CPSF2: variants seen among roughly 807,000 people sequenced by gnomAD.
The protein encoded by CPSF2 is cleavage and polyadenylation specific factor 2.
A neutral mutation model predicts 84.2 loss-of-function variants in CPSF2; 51 were observed. That is an observed-to-expected ratio of 0.61 (90% CI 0.48 to 0.77). The LOEUF (loss-of-function observed/expected upper bound fraction) is 0.77, where lower values mean the gene tolerates loss of function less well. Among genes scored for constraint, CPSF2 ranks in the 30% least tolerant of loss-of-function variants. The pLI, the probability that CPSF2 is intolerant of heterozygous loss-of-function variation, is 0.00. For missense variants in CPSF2, 641 were observed against 929.4 expected (o/e 0.69, Z 4.03); for synonymous variants, 286 against 311.9 (o/e 0.92, Z 0.87).
chr14:92,141,414 C>A (rs2069076871), intron 7 of CPSF2, among the ~76,000 whole-genome samples: 1 of 152,074 alleles, frequency 6.6e-6, no homozygotes, highest in Non-Finnish European at 1.5e-5. Context: ...TCTCTGCAGC[C>A]TCAAACTCCT....
intron 14 of CPSF2, among the ~76,000 whole-genome samples, chr14:92,160,666 G>T (rs999478694): frequency 6.6e-6 from 1 of 152,204 alleles, no homozygotes; most frequent in Non-Finnish European, 1.5e-5. Context: ...AGAACCTATG[G>T]CATCCATTAC....
At chr14:92,133,357 T>G (rs1010236109) in intron 3 of CPSF2, among the ~76,000 whole-genome samples, 3 of 151,982 alleles carry the variant, frequency 2.0e-5, no homozygotes, top group Non-Finnish European at 4.4e-5. Flanking sequence ...AGGCAGAGGT[T>G]GTGGTGAGCC....
chr14:92,131,788 G>A (rs1395817887), intron 3 of CPSF2, among the ~76,000 whole-genome samples: 7 of 151,450 alleles, frequency 4.6e-5, no homozygotes, highest in Non-Finnish European at 8.8e-5. Context: ...GCACTGAGCC[G>A]AGATCGTACC....
At position 92,165,135 on chromosome 14, in the gene CPSF2, C is replaced by T. The variant is rs185309728; in HGVS notation, c.*3391C>T. On this transcript the variant is annotated 3_prime_UTR_variant, in exon 16 of 16. Coordinates refer to ENST00000298875, the MANE Select transcript of CPSF2 (RefSeq NM_017437.3). ...TTTTTGTGACTGAATATTATTCCACCGAATGGATATACCACATTTTACTTA... is the reference window on the plus strand; with the variant it reads ...TTTTTGTGACTGAATATTATTCCACTGAATGGATATACCACATTTTACTTA... The T allele has an allele frequency of 2.6e-5, 4 of 152,150 alleles. No homozygotes were observed. The highest frequency in any genetic ancestry group is 4.4e-5 in the Non-Finnish European group (3 of 68,006). The allele number at this position is 152,150 out of a possible 1,614,324, so 9.4% of individuals were successfully genotyped here. A position where few individuals can be genotyped will look rare whatever the true frequency, so the allele number is the denominator to read the frequency against.
rs1395564960 is a variant in CPSF2, at chr14:92,155,269, T to C, written c.1388T>C (p.Met463Thr). Residue 463 changes from methionine (M) to threonine (T), a missense_variant, in exon 11 of 16, where the codon ATG (methionine) becomes ACG (threonine). By Grantham distance (81) the Met-to-Thr change is moderately conservative. Around this residue, in one of 2 missense-constraint regions of CPSF2, gnomAD observed 430 missense variants for 553.6 expected, o/e 0.78. Coordinates refer to ENST00000298875, the MANE Select transcript of CPSF2 (RefSeq NM_017437.3). ...FFKQAKKSYP[M>T]FPAPEERIKW... ...AAACAGGCAAAAAAGTCCTATCCTA[T>C]GTTTCCTGCCCCAGAAGAAAGAATT... 1 of 1,614,116 alleles carries C rather than the reference T, an allele frequency of 6.2e-7. No homozygotes were observed. Among genetic ancestry groups the C allele is most frequent in the Non-Finnish European group, 8.5e-7 (1 of 1,180,000 alleles).
intron 2 of CPSF2, among the ~76,000 whole-genome samples, chr14:92,130,327 A>T (rs944591235): frequency 6.6e-6 from 1 of 152,136 alleles, no homozygotes; most frequent in Non-Finnish European, 1.5e-5. Flanking sequence ...TTTTTATCAG[A>T]TTCTCAAGGG....
chr14:92,161,994 T>G lies in CPSF2; in HGVS notation c.*250T>G, dbSNP rs2069380233. ...AGGCCCAAGAGTTGAAGGTGATTGG[T>G]TTTCTTTACAGACTCCTTGTTCTCT... is the stretch of plus-strand genomic sequence containing the variant. On this transcript the variant is annotated 3_prime_UTR_variant, in exon 16 of 16. Transcript: ENST00000298875. The G allele has an allele frequency of 6.9e-6, 2 of 287,874 alleles. No homozygotes were observed. The highest frequency in any genetic ancestry group is 6.4e-6 in the Non-Finnish European group (1 of 157,066). 17.8% of individuals were successfully genotyped at this position (287,874 alleles called of 1,614,324 possible).
Position 92,169,517 on chromosome 14 carries a change from C to G in CPSF2, c.*7773C>G, listed in dbSNP as rs2069492090. The G allele has an allele frequency of 6.6e-6, 1 of 152,030 alleles. No individual in the cohort carries two copies. Among genetic ancestry groups the G allele is most frequent in the South Asian group, 2.1e-4 (1 of 4,836 alleles). 9.4% of individuals were successfully genotyped at this position (152,030 alleles called of 1,614,324 possible). On this transcript the variant is annotated 3_prime_UTR_variant, in exon 16 of 16. Transcript: ENST00000298875. ...AAGGTTACTATAATTTCCAACTTCA[C>G]CCATAGGTCATGGTATAGTTGAAAT...
At chr14:92,142,703 CT>C (rs1595058639) in intron 8 of CPSF2, among the ~76,000 whole-genome samples, 2 of 152,184 alleles carry the variant, frequency 1.3e-5, no homozygotes, top group East Asian at 3.9e-4. Context: ...AGCTTTTTGC[CT>C]TGAAATAGCA....
rs1015240324 is a variant in CPSF2, at chr14:92,155,958, G to A, written c.1443-521G>A. Among the ~76,000 whole-genome samples, 5 of 151,938 alleles carry A rather than the reference G, an allele frequency of 3.3e-5. No homozygotes were observed. In the South Asian group the frequency reaches 1.0e-3, roughly 32 times the overall value. ...AATCACATGTTGTAATTGCAAATTT[G>A]AAAACACTACTATCCTGTGTGGAAA... On this transcript the variant is annotated intron_variant, in intron 11 of 15. Transcript: ENST00000298875.
intron 8 of CPSF2, 97 bp downstream of exon 8, chr14:92,142,448 T>G (rs1203913434): frequency 1.9e-5 from 17 of 894,150 alleles, no homozygotes; most frequent in Non-Finnish European, 3.4e-6. Context: ...ATTTTTCTCT[T>G]GAAGAGATTG....
chr14:92,167,829 T>A lies in CPSF2; in HGVS notation c.*6085T>A, dbSNP rs975051309. 6.6e-6 allele frequency: 1 copy of A among 152,202 alleles called. No individual in the cohort carries two copies. Among genetic ancestry groups the A allele is most frequent in the African/African-American group, 2.4e-5 (1 of 41,532 alleles). 9.4% of individuals were successfully genotyped at this position (152,202 alleles called of 1,614,324 possible). On this transcript the variant is annotated 3_prime_UTR_variant, in exon 16 of 16. Coordinates refer to ENST00000298875, the MANE Select transcript of CPSF2 (RefSeq NM_017437.3). ...ATTGTCCTTTAAAATATTGATGGAC[T>A]GATTATCACTTAAAGGGTATAAACA...
intron 9 of CPSF2, among the ~76,000 whole-genome samples, chr14:92,146,858 G>A (rs2069151068): frequency 6.6e-6 from 1 of 152,132 alleles, no homozygotes; most frequent in African/African-American, 2.4e-5. Flanking sequence ...GCCCTACGGT[G>A]CATCAGGATC....
chr14:92,143,887 T>TA (rs1412351046), intron 9 of CPSF2, among the ~76,000 whole-genome samples: 1 of 152,196 alleles, frequency 6.6e-6, no homozygotes, highest in African/African-American at 2.4e-5. Context: ...ACCCAGAGGG[T>TA]AAGCATATAC....
intron 9 of CPSF2, among the ~76,000 whole-genome samples, chr14:92,146,992 C>T (rs2069152779): frequency 6.7e-6 from 1 of 148,320 alleles, no homozygotes; most frequent in South Asian, 2.4e-4. Context: ...TTTAAAATAC[C>T]TGCCTGGTTT....
At chr14:92,135,553 G>T in intron 6 of CPSF2, 57 bp downstream of exon 6, 2 of 1,483,072 alleles carry the variant, frequency 1.3e-6, no homozygotes, top group Non-Finnish European at 1.8e-6. Flanking sequence ...TTTATTCTTT[G>T]GAGAAAAAAT....
chr14:92,123,510 C>G (rs1057355319), intron 1 of CPSF2, among the ~76,000 whole-genome samples: 1 of 151,936 alleles, frequency 6.6e-6, no homozygotes, highest in South Asian at 2.1e-4. Flanking sequence ...GTAATCCTCC[C>G]ACCTCAGCCT....
At chr14:92,138,189 TTGAAA>T in intron 6 of CPSF2, 38 bp from the exon 7 acceptor site, 1 of 1,031,750 alleles carries the variant, frequency 9.7e-7, no homozygotes, top group South Asian at 1.5e-5. Context: ...TATTGTTTAC[TTGAAA>T]TGATATAAAA....
At chr14:92,131,182 T>C in intron 3 of CPSF2, 49 bp downstream of exon 3, 1 of 1,449,302 alleles carries the variant, frequency 6.9e-7, no homozygotes, top group East Asian at 2.3e-5. Context: ...AACTTCTCTT[T>C]TCTGTACTGT....
Sources: allele counts gnomAD v4.1 joint callset (sites outside exome capture counted in the v4.1 genomes callset), GRCh38; gene constraint gnomAD v4.1.1; regional missense constraint gnomAD v4.1.1; transcripts MANE v1.5; gene names NCBI Gene and HGNC (gene_info 2026-07-23, HGNC 2026-07-21).